DNAH2: variants seen among roughly 807,000 people sequenced by gnomAD.
The protein encoded by DNAH2 is axonemal beta dynein heavy chain 2.
In DNAH2, 323 loss-of-function variants were observed where a neutral mutation model predicts 523.5. The observed-to-expected ratio is 0.62, with a 90% CI of 0.56 to 0.68. DNAH2 has a LOEUF of 0.68. Among genes scored for constraint, DNAH2 ranks in the 30% least tolerant of loss-of-function variants. The pLI is 0.00. For missense variants in DNAH2, 4,907 were observed against 5,701.5 expected, an observed-to-expected ratio of 0.86 and a Z score of 4.49; for synonymous variants, 2,093 against 2,177.4, an observed-to-expected ratio of 0.96 and a Z score of 1.08.
Position 7,733,242 on chromosome 17 carries a change from A to C in DNAH2, c.555A>C (p.Ala185=), listed in dbSNP as rs1225218084. The C allele has an allele frequency of 6.2e-7, 1 of 1,614,066 alleles. No homozygotes were observed. Among genetic ancestry groups the C allele is most frequent in the Non-Finnish European group, 8.5e-7 (1 of 1,180,034 alleles). ...GAGTCTTTGCCCCTCAGATCTTTGC[A>C]AACACAGGCTGGCCTGAGAGCATTA... ...LGGVFAPQIF[A]NTGWPESIRN... Residue 185 remains alanine, a synonymous_variant, in exon 5 of 86, where the codon GCA becomes GCC. Coordinates refer to ENST00000572933, the MANE Select transcript of DNAH2 (RefSeq NM_020877.5).
intron 20 of DNAH2, 102 bp downstream of exon 20, chr17:7,764,375 G>A (rs938912893): frequency 7.1e-7 from 1 of 1,414,434 alleles, no homozygotes; most frequent in Non-Finnish European, 9.6e-7. Flanking sequence ...GTGACAGCAG[G>A]AGGAGACTCT....
rs373193187 is a variant in DNAH2 at position 7,788,031 on chromosome 17, A to G, written c.6741+34A>G. 1.2e-4 allele frequency: 193 copies of G among 1,613,462 alleles called. 1 individual carries two copies. In the African/African-American group the frequency reaches 2.2e-3, roughly 18 times the overall value. ...GGAACTGAGGAGAGGGAAAGTAACCAGGGTGGCTCCAGGACACAAGGGTGA... is the reference window on the plus strand; with the variant it reads ...GGAACTGAGGAGAGGGAAAGTAACCGGGGTGGCTCCAGGACACAAGGGTGA... On this transcript the variant is annotated intron_variant, in intron 43 of 85. Transcript: ENST00000572933.
chr17:7,757,116 A>T lies in DNAH2; in HGVS notation c.1930A>T (p.Ile644Phe), dbSNP rs2075863740. The T allele has an allele frequency of 6.2e-7, 1 of 1,613,976 alleles. No individual in the cohort carries two copies. Among genetic ancestry groups the T allele is most frequent in the Non-Finnish European group, 8.5e-7 (1 of 1,180,024 alleles). Residue 644 changes from isoleucine (I) to phenylalanine (F), a missense_variant, in exon 13 of 86, where the codon ATT (isoleucine) becomes TTT (phenylalanine). Around this residue, in one of 3 missense-constraint regions of DNAH2, gnomAD observed 2,806 missense variants for 3,190.8 expected, o/e 0.88. Coordinates refer to ENST00000572933, the MANE Select transcript of DNAH2 (RefSeq NM_020877.5). ...DKSLLILFAE[I>F]DYWERLLFET... ...GTCCCTTCTGATTCTCTTTGCGGAA[A>T]TTGACTACTGGGAGCGGCTGCTGTT...
Position 7,831,564 on chromosome 17 carries a change from G to A in DNAH2, c.12611+23G>A, listed in dbSNP as rs1391285524. ...CCTGTAAGACAGAGGGGGACTCTGC[G>A]GAACAGGGGAGGGTGTGAGGAGAAG... On this transcript the variant is annotated intron_variant, in intron 81 of 85. Transcript: ENST00000572933. This position sits in a 1 kb window ranked among gnomAD's most constrained non-coding sequence, Gnocchi z 4.2. The A allele has an allele frequency of 5.0e-6, 8 of 1,613,910 alleles. No homozygotes were observed. The highest frequency in any genetic ancestry group is 4.5e-5 in the East Asian group (2 of 44,898).
rs764823962 is a variant in DNAH2 at position 7,818,371 on chromosome 17, T to C, written c.10447T>C (p.Phe3483Leu). ...GGTGGAATATAATACCAATTTCCGT[T>C]TCTACATCACCACCAAGCTCTCCAA... is the stretch of plus-strand genomic sequence containing the variant. ...KEVEYNTNFR[F>L]YITTKLSNPH... The change falls in exon 69 of 86, where the codon TTC (phenylalanine) becomes CTC (leucine). Residue 3483 changes from phenylalanine (F) to leucine (L), a missense_variant. Transcript: ENST00000572933. 3 of 1,614,192 alleles carry C rather than the reference T, an allele frequency of 1.9e-6. No homozygotes were observed. The Admixed American group carries it at 5.0e-5, about 27-fold the overall frequency.
At chr17:7,778,518 TC>T in intron 35 of DNAH2, 49 bp downstream of exon 35, 1 of 1,522,062 alleles carries the variant, frequency 6.6e-7, no homozygotes, top group South Asian at 1.2e-5. Context: ...TACCTTTTCG[TC>T]CCAGAAAATA....
intron 71 of DNAH2, 28 bp from the exon 72 acceptor site, chr17:7,819,180 GC>G (rs1442236952): frequency 6.2e-7 from 1 of 1,611,302 alleles, no homozygotes; most frequent in African/African-American, 1.3e-5. Context: ...TCCCTCAGTG[GC>G]CCTGACTCCA....
intron 18 of DNAH2, among the ~76,000 whole-genome samples, chr17:7,762,358 C>T (rs1194222144): frequency 2.5e-5 from 3 of 121,322 alleles, no homozygotes; most frequent in Non-Finnish European, 5.0e-5. Flanking sequence ...TTTTTTGAGA[C>T]GGAGTCTCAC....
At chr17:7,791,872 G>A (rs2076906579) in intron 44 of DNAH2, 45 bp from the exon 45 acceptor site, 1 of 1,579,250 alleles carries the variant, frequency 6.3e-7, no homozygotes, top group Admixed American at 1.8e-5. Flanking sequence ...ATGGACCCCT[G>A]GTCTCTTACA....
chr17:7,766,761 C>T (rs973034466), intron 22 of DNAH2, among the ~76,000 whole-genome samples: 7 of 147,780 alleles, frequency 4.7e-5, no homozygotes, highest in Admixed American at 2.1e-4. Context: ...GATTCTCATG[C>T]CTCACACTCC....
intron 22 of DNAH2, among the ~76,000 whole-genome samples, chr17:7,767,173 C>A (rs1303350456): frequency 1.4e-5 from 2 of 138,244 alleles, no homozygotes; most frequent in Non-Finnish European, 3.0e-5. Context: ...ACAAATGGAA[C>A]CATTTGTATG....
intron 13 of DNAH2, among the ~76,000 whole-genome samples, chr17:7,757,939 A>G (rs2151192509): frequency 6.6e-6 from 1 of 151,906 alleles, no homozygotes; most frequent in East Asian, 1.9e-4. Flanking sequence ...TGACCTAATC[A>G]CCTCCCAGAG....
Position 7,824,535 on chromosome 17 carries a change from A to G in DNAH2, c.11663-2A>G, listed in dbSNP as rs766438110. On this transcript the variant is annotated splice_acceptor_variant, in intron 76 of 85. Coordinates refer to ENST00000572933, the MANE Select transcript of DNAH2 (RefSeq NM_020877.5). LOFTEE classifies it high-confidence loss of function. ...CCCACTGACCCTGGCATCTCCTTGC[A>G]GGACACTGGGTGTTCCTGGCAAACT... 5.8e-6 allele frequency: 9 copies of G among 1,549,494 alleles called. No individual in the cohort carries two copies. The highest frequency in any genetic ancestry group is 7.9e-6 in the Non-Finnish European group (9 of 1,139,094).
At position 7,725,425 on chromosome 17, in the gene DNAH2, A is replaced by AATATATATAT. The variant is rs71387992; in HGVS notation, c.229-1690_229-1681dup. Reference sequence around the variant, plus strand: ...TTTTATTTGTATTTGACTTCAAGTGAATATATATATATATATTTTCTTTTT... The same window carrying AATATATATAT: ...TTTTATTTGTATTTGACTTCAAGTGAATATATATATATATATATATATATATTTTCTTTTT... On this transcript the variant is annotated intron_variant, in intron 3 of 85. Transcript: ENST00000572933. 1.2e-4 allele frequency among the ~76,000 whole-genome samples: 15 copies of AATATATATAT among 124,960 alleles called. 2 individuals are homozygous for AATATATATAT. The highest frequency in any genetic ancestry group is 2.8e-4 in the African/African-American group (9 of 32,202). 82.0% of individuals were successfully genotyped at this position (124,960 alleles called of 152,430 possible).
At chr17:7,741,236 C>CTCTCTCTTTCTTTCTTTCTT (rs1555540638) in intron 11 of DNAH2, among the ~76,000 whole-genome samples, 2 of 85,596 alleles carry the variant, frequency 2.3e-5, no homozygotes, top group Admixed American at 2.4e-4. Context: ...TTTTCTCTCT[C>CTCTCTCTTTCTTTCTTTCTT]TCTTTCTTTC....
At position 7,777,884 on chromosome 17, in the gene DNAH2, G is replaced by A. The variant is rs186417418; in HGVS notation, c.5248-193G>A. 1.2e-4 allele frequency among the ~76,000 whole-genome samples: 18 copies of A among 152,204 alleles called. No homozygotes were observed. The East Asian group carries it at 3.1e-3, about 26-fold the overall frequency. On this transcript the variant is annotated intron_variant, in intron 33 of 85. Transcript: ENST00000572933. ...CTCCAGGCAGCTGCTGCATTGGGTC[G>A]GGGTGGATGTGCAACATGAAACCCA...
At chr17:7,724,381 A>T (rs2074726682) in intron 3 of DNAH2, among the ~76,000 whole-genome samples, 2 of 152,126 alleles carry the variant, frequency 1.3e-5, no homozygotes, top group African/African-American at 2.4e-5. Context: ...GCACTTTAGG[A>T]TGCCGAGGTG....
chr17:7,782,751 A>C (rs770806652), intron 39 of DNAH2, among the ~76,000 whole-genome samples: 9 of 152,114 alleles, frequency 5.9e-5, no homozygotes, highest in Non-Finnish European at 1.0e-4. Context: ...GGATCACTTT[A>C]GGCTAGGAGT....
intron 55 of DNAH2, 30 bp from the exon 56 acceptor site, chr17:7,799,073 G>A (rs375541986): frequency 6.2e-7 from 1 of 1,612,068 alleles, no homozygotes; most frequent in Non-Finnish European, 8.5e-7. Flanking sequence ...GGACACGCCA[G>A]CCCTCTGACC....
Sources: gnomAD v4.1 joint callset for allele counts (sites outside exome capture counted in the v4.1 genomes callset) on GRCh38, gnomAD v4.1.1 for gene constraint, gnomAD v4.1.1 regional missense constraint, Gnocchi (gnomAD v3.1) non-coding constraint, MANE v1.5 for transcripts, NCBI Gene and HGNC (gene_info 2026-07-23, HGNC 2026-07-21) for gene names.